The following KCTD3 variants were observed in gnomAD, a reference collection of about 807,000 sequenced individuals.
KCTD3 encodes the protein potassium channel tetramerization domain containing 3, also known as BTB/POZ domain-containing protein KCTD3.
KCTD3 carries 41 observed loss-of-function variants against 85.8 expected under a neutral mutation model. The observed-to-expected ratio is 0.48, with a 90% CI of 0.37 to 0.62. The LOEUF (loss-of-function observed/expected upper bound fraction) is 0.62, where lower values mean the gene tolerates loss of function less well. Ranked by LOEUF, KCTD3 falls within the 20% of genes least tolerant of loss-of-function variation. The pLI is 0.00. For synonymous variants in KCTD3, 338 were observed against 345.4 expected (o/e 0.98, Z 0.24); for missense variants, 724 against 989.9 (o/e 0.73, Z 3.60).
intron 14 of KCTD3, among the ~76,000 whole-genome samples, chr1:215,610,695 A>AG (rs974397925): frequency 6.6e-6 from 1 of 152,008 alleles, no homozygotes; most frequent in Admixed American, 6.6e-5. Flanking sequence ...AGAGCCAGAC[A>AG]GGTTTGTTTG....
intron 8 of KCTD3, 111 bp from the exon 9 acceptor site, chr1:215,586,384 T>C (rs1357709535): frequency 2.3e-6 from 2 of 879,922 alleles, no homozygotes; most frequent in Non-Finnish European, 3.5e-6. Context: ...GGTAACTGTT[T>C]AGTTTTTTTT....
intron 15 of KCTD3, among the ~76,000 whole-genome samples, chr1:215,613,648 C>A (rs960822370): frequency 6.6e-6 from 1 of 152,092 alleles, no homozygotes; most frequent in Non-Finnish European, 1.5e-5. Context: ...ACATTTAAGT[C>A]TTTACTGCAT....
intron 1 of KCTD3, among the ~76,000 whole-genome samples, chr1:215,569,246 C>T (rs113378347): frequency 3.4e-4 from 52 of 151,554 alleles, no homozygotes; most frequent in African/African-American, 1.2e-3. Flanking sequence ...CTCAGCATCC[C>T]GAGTAGCTGG....
In KCTD3 at chr1:215,620,219, T is replaced by C. The variant is rs2102612406; in HGVS notation, c.2049T>C (p.Ala683=). ...TINLNRNVER[A]VPENGNLGPI... ...ATTTGAACAGAAATGTAGAAAGAGC[T>C]GTCCCTGAAAATGGTAACTTGGGTC... Residue 683 remains alanine (A), a synonymous_variant, in exon 18 of 18, where the codon GCT becomes GCC. Coordinates refer to ENST00000259154, the MANE Select transcript of KCTD3 (RefSeq NM_016121.5). 6.2e-7 allele frequency: 1 copy of C among 1,613,878 alleles called. No individual in the cohort carries two copies. The highest frequency in any genetic ancestry group is 8.5e-7 in the Non-Finnish European group (1 of 1,179,840).
intron 10 of KCTD3, among the ~76,000 whole-genome samples, chr1:215,599,379 AATG>A (rs1424022301): frequency 3.9e-5 from 6 of 152,208 alleles, no homozygotes; most frequent in African/African-American, 1.2e-4. Flanking sequence ...TGTAAAAAAT[AATG>A]ATAAGTTTAC....
intron 13 of KCTD3, among the ~76,000 whole-genome samples, 195 bp from the exon 14 acceptor site, chr1:215,607,822 C>T (rs570525838): frequency 6.6e-6 from 1 of 151,922 alleles, no homozygotes; most frequent in Non-Finnish European, 1.5e-5. Context: ...CTTAATGTAC[C>T]TTATATTTTG....
intron 1 of KCTD3, among the ~76,000 whole-genome samples, chr1:215,573,564 C>T (rs938572233): frequency 2.6e-5 from 4 of 152,118 alleles, no homozygotes; most frequent in East Asian, 1.9e-4. Context: ...CATTATATGG[C>T]GGATAACAAG....
intron 10 of KCTD3, among the ~76,000 whole-genome samples, chr1:215,596,420 A>T (rs923982130): frequency 6.6e-6 from 1 of 152,192 alleles, no homozygotes; most frequent in Non-Finnish European, 1.5e-5. Context: ...TTTATGTGAT[A>T]AAAAATTAAT....
At position 215,602,360 on chromosome 1, in the gene KCTD3, A is replaced by G. The variant is rs557032196; in HGVS notation, c.1138+159A>G. Among the ~76,000 whole-genome samples the G allele has an allele frequency of 2.2e-4, 34 of 152,224 alleles. No homozygotes were observed. The South Asian group carries it at 7.1e-3, about 32-fold the overall frequency. Reference sequence around the variant, plus strand: ...AAGTCTAAAATTTGTATTCAGTTTTATACTGAAGTCAAACATGACCAGTAA... The same window carrying G: ...AAGTCTAAAATTTGTATTCAGTTTTGTACTGAAGTCAAACATGACCAGTAA... On this transcript the variant is annotated intron_variant, in intron 12 of 17. Coordinates refer to ENST00000259154, the MANE Select transcript of KCTD3 (RefSeq NM_016121.5).
chr1:215,607,739 T>TA (rs1558242768), intron 13 of KCTD3, among the ~76,000 whole-genome samples: 1 of 152,016 alleles, frequency 6.6e-6, no homozygotes, highest in Non-Finnish European at 1.5e-5. Context: ...TCTTTTTTCT[T>TA]ACACACACAT....
At chr1:215,573,334 G>C (rs1659438205) in intron 1 of KCTD3, among the ~76,000 whole-genome samples, 2 of 152,118 alleles carry the variant, frequency 1.3e-5, no homozygotes, top group Non-Finnish European at 1.5e-5. Flanking sequence ...GAGTGATCTA[G>C]CTGAATAAAG....
At position 215,608,147 on chromosome 1, in the gene KCTD3, T is replaced by C. The variant is rs1310433547; in HGVS notation, c.1440T>C (p.Gly480=). Reference sequence around the variant, plus strand: ...CCCTGGAGGAGACAGAAAGTCATGGTAGCTATTCCTCTGGAAATGACATAG... The same window carrying C: ...CCCTGGAGGAGACAGAAAGTCATGGCAGCTATTCCTCTGGAAATGACATAG... ...ILSLEETESH[G]SYSSGNDIGP... Residue 480 remains glycine (G), a synonymous_variant, in exon 14 of 18, where the codon GGT becomes GGC. Coordinates refer to ENST00000259154, the MANE Select transcript of KCTD3 (RefSeq NM_016121.5). 5.6e-6 allele frequency: 9 copies of C among 1,611,148 alleles called. No individual in the cohort carries two copies. Among genetic ancestry groups the C allele is most frequent in the Middle Eastern group, 3.3e-4 (2 of 6,044 alleles).
chr1:215,609,455 A>G (rs549212574), intron 14 of KCTD3, among the ~76,000 whole-genome samples: 6 of 152,044 alleles, frequency 3.9e-5, no homozygotes, highest in Non-Finnish European at 7.4e-5. Flanking sequence ...GAAGGCATCT[A>G]TACATCAAAC....
At position 215,575,977 on chromosome 1, in the gene KCTD3, A is replaced by G; in HGVS notation, c.257+3A>G. ...CGGACAAAAGAACTAGACTTAAGGT[A>G]AGAAATGCACTCTTTTTAAAGTAAA... On this transcript the variant is annotated splice_donor_region_variant and intron_variant, in intron 4 of 17. Transcript: ENST00000259154. 7.0e-7 allele frequency: 1 copy of G among 1,422,922 alleles called. No homozygotes were observed. The highest frequency in any genetic ancestry group is 9.7e-7 in the Non-Finnish European group (1 of 1,026,700). The allele number at this position is 1,422,922 out of a possible 1,614,324, so 88.1% of individuals were successfully genotyped here.
chr1:215,597,737 T>C (rs1323034355), intron 10 of KCTD3, among the ~76,000 whole-genome samples: 1 of 152,124 alleles, frequency 6.6e-6, no homozygotes, highest in Non-Finnish European at 1.5e-5. Flanking sequence ...TTGATTTAGC[T>C]TCTCTCTTTC....
intron 7 of KCTD3, among the ~76,000 whole-genome samples, chr1:215,579,523 G>A (rs529871847): frequency 6.6e-6 from 1 of 151,098 alleles, no homozygotes; most frequent in Admixed American, 6.6e-5. Flanking sequence ...TTTTGAGACG[G>A]AGTCTCGCTC....
At chr1:215,577,367 C>G (rs977986046) in intron 4 of KCTD3, among the ~76,000 whole-genome samples, 1 of 152,018 alleles carries the variant, frequency 6.6e-6, no homozygotes, top group African/African-American at 2.4e-5. Context: ...TATCGTTTGC[C>G]TTCTAGACAA....
chr1:215,575,903 A>C lies in KCTD3; in HGVS notation c.186A>C (p.Ile62=), dbSNP rs139697667. 3,992 of 1,521,250 alleles carry C rather than the reference A, an allele frequency of 2.6e-3. 16 individuals carry two copies. The highest frequency in any genetic ancestry group is 2.4e-3 in the Non-Finnish European group (2,674 of 1,116,650). 94.2% of individuals were successfully genotyped at this position (1,521,250 alleles called of 1,614,324 possible). A position where few individuals can be genotyped will look rare whatever the true frequency, so the allele number is the denominator to read the frequency against. ...TAAAACTGTTCTCTTTTTTACAGAT[A>C]TTTATTGATAGAGATCCAGCAGCAT... ...ISTLRDETGA[I]FIDRDPAAFA... is the part of the protein sequence containing the mutation. Residue 62 remains isoleucine (I), a splice_region_variant and synonymous_variant, in exon 4 of 18, where the codon ATA becomes ATC. Transcript: ENST00000259154.
chr1:215,619,132 A>G (rs375097308), intron 16 of KCTD3, 21 bp from the exon 17 acceptor site: 1 of 1,610,188 alleles, frequency 6.2e-7, no homozygotes, highest in Non-Finnish European at 8.5e-7. Flanking sequence ...AGTGATTTTA[A>G]TGACTATTTG....
Sources: allele counts gnomAD v4.1 joint callset (sites outside exome capture counted in the v4.1 genomes callset), GRCh38; gene constraint gnomAD v4.1.1; transcripts MANE v1.5; gene names NCBI Gene and HGNC (gene_info 2026-07-23, HGNC 2026-07-21).